Variants in PARP4 observed in about 807,000 individuals in gnomAD.
PARP4 encodes the protein poly(ADP-ribose) polymerase family member 4, also known as protein mono-ADP-ribosyltransferase PARP4.
PARP4 carries 120 observed loss-of-function variants against 187.7 expected under a neutral mutation model. The observed-to-expected ratio is 0.64, with a 90% confidence interval of 0.55 to 0.74. The LOEUF is 0.74. Ranked by LOEUF, PARP4 falls within the 30% of genes least tolerant of loss-of-function variation. The probability of loss-of-function intolerance (pLI) is 0.00; values close to 1 mark genes in which losing one functional copy is unlikely to be tolerated. For missense variants in PARP4, 1,836 were observed against 2,070.5 expected (o/e 0.89, Z 2.20); for synonymous variants, 654 against 740.9 (o/e 0.88, Z 1.90).
At chr13:24,472,853 A>G (rs960885410) in intron 15 of PARP4, among the ~76,000 whole-genome samples, 1 of 148,066 alleles carries the variant, frequency 6.8e-6, no homozygotes, top group Non-Finnish European at 1.5e-5. Flanking sequence ...AGATAATTTA[A>G]TAAGGTGGGA....
chr13:24,469,420 G>A (rs1292567990), intron 16 of PARP4, among the ~76,000 whole-genome samples: 4 of 152,224 alleles, frequency 2.6e-5, no homozygotes, highest in African/African-American at 2.4e-5. Context: ...TTGGGAAATT[G>A]TAGTTTCTAA....
chr13:24,442,628 T>C lies in PARP4; in HGVS notation c.3505A>G (p.Ile1169Val). 6.2e-7 allele frequency: 1 copy of C among 1,600,282 alleles called. No individual in the cohort carries two copies. Among genetic ancestry groups the C allele is most frequent in the Non-Finnish European group, 8.6e-7 (1 of 1,167,408 alleles). Residue 1169 changes from isoleucine to valine, a missense_variant, in exon 29 of 34, where the codon ATA becomes GTA. Physicochemically the swap from Ile to Val is conservative, Grantham distance 29. This residue lies in a region of PARP4 where 47 missense variants were observed against 99.5 expected (regional missense o/e 0.47). Coordinates refer to ENST00000381989, the MANE Select transcript of PARP4 (RefSeq NM_006437.4). ...IIKLSKENSL[I>V]TQFTSFVAVE... ...GCCACAAAGCTTGTAAATTGTGTTA[T>C]GAGAGAGTTTTCTTTACTGAGTTTA...
chr13:24,472,291 G>T (rs1406230175), intron 15 of PARP4, among the ~76,000 whole-genome samples: 2 of 152,162 alleles, frequency 1.3e-5, no homozygotes, highest in Non-Finnish European at 2.9e-5. Flanking sequence ...GGGATTGGTG[G>T]AAATGGAACA....
At chr13:24,500,226 C>G in intron 4 of PARP4, 90 bp downstream of exon 4, 2 of 648,644 alleles carry the variant, frequency 3.1e-6, no homozygotes, top group Non-Finnish European at 5.2e-6. Flanking sequence ...AAGAAAAAGT[C>G]TACAAATAGA....
intron 21 of PARP4, among the ~76,000 whole-genome samples, chr13:24,455,480 AATATAT>A (rs57015283): frequency 0.015 from 1,603 of 108,420 alleles, 54 homozygotes; most frequent in East Asian, 0.045. Context: ...TTATGGAACA[AATATAT>A]ATATATATAT....
intron 19 of PARP4, 23 bp from the exon 20 acceptor site, chr13:24,459,145 T>C: frequency 6.3e-7 from 1 of 1,587,070 alleles, no homozygotes; most frequent in Non-Finnish European, 8.6e-7. Flanking sequence ...AAGAGAAAGT[T>C]GTCTTAGTCT....
intron 21 of PARP4, 148 bp downstream of exon 21, chr13:24,456,193 A>C (rs972999019): frequency 1.6e-6 from 1 of 621,854 alleles, no homozygotes; most frequent in Non-Finnish European, 2.7e-6. Context: ...TGATATCATA[A>C]ATATTTTTAG....
At chr13:24,499,742 C>T (rs1869170184) in intron 4 of PARP4, among the ~76,000 whole-genome samples, 1 of 152,168 alleles carries the variant, frequency 6.6e-6, no homozygotes, top group Non-Finnish European at 1.5e-5. Flanking sequence ...TCACTCCTCT[C>T]CAGACCACAG....
intron 33 of PARP4, among the ~76,000 whole-genome samples, chr13:24,425,505 ATGTG>A (rs1205744553): frequency 6.6e-6 from 1 of 151,356 alleles, no homozygotes; most frequent in African/African-American, 2.4e-5. Context: ...AGCCAATTAC[ATGTG>A]TATGTATATG....
intron 6 of PARP4, among the ~76,000 whole-genome samples, chr13:24,496,897 C>T (rs936931372): frequency 2.6e-5 from 4 of 152,162 alleles, no homozygotes; most frequent in African/African-American, 9.7e-5. Flanking sequence ...GCAGCGCATG[C>T]CTGTAATCCC....
At chr13:24,437,198 C>T (rs1015522956) in intron 30 of PARP4, among the ~76,000 whole-genome samples, 7 of 152,010 alleles carry the variant, frequency 4.6e-5, no homozygotes, top group African/African-American at 1.7e-4. Flanking sequence ...ATCTCTTATC[C>T]TATGCTAGGA....
intron 24 of PARP4, among the ~76,000 whole-genome samples, chr13:24,451,149 A>G (rs893519859): frequency 9.2e-5 from 14 of 152,204 alleles, no homozygotes; most frequent in African/African-American, 3.4e-4. Context: ...TGAGGAAGGC[A>G]TGAATAGGTG....
intron 17 of PARP4, among the ~76,000 whole-genome samples, chr13:24,467,952 T>C (rs1872554423): frequency 1.3e-5 from 2 of 152,186 alleles, no homozygotes; most frequent in South Asian, 4.1e-4. Context: ...TCATTACTTA[T>C]TCCCATCCTG....
chr13:24,473,798 G>A, intron 15 of PARP4, among the ~76,000 whole-genome samples: 1 of 152,008 alleles, frequency 6.6e-6, no homozygotes, highest in East Asian at 1.9e-4. Context: ...ATCAGGGCTG[G>A]GTTGTTATTC....
At chr13:24,435,641 G>A (rs887055516) in intron 30 of PARP4, among the ~76,000 whole-genome samples, 167 bp from the exon 31 acceptor site, 1 of 152,198 alleles carries the variant, frequency 6.6e-6, no homozygotes, top group Non-Finnish European at 1.5e-5. Flanking sequence ...CCAGTGCTGC[G>A]TGCAGCAGCT....
chr13:24,496,279 A>G (rs7984246), intron 6 of PARP4, among the ~76,000 whole-genome samples: 17,304 of 152,182 alleles, frequency 0.11, 1,207 homozygotes, highest in East Asian at 0.3. Context: ...TCAGGGTACA[A>G]GGGTAACAAA....
intron 6 of PARP4, 107 bp from the exon 7 acceptor site, chr13:24,494,829 GT>G: frequency 1.5e-6 from 1 of 664,106 alleles, no homozygotes. Flanking sequence ...TTAGAAATTA[GT>G]TTTTTTCAAA....
rs780161071 is a variant in PARP4, at chr13:24,486,318, G to C, written c.1215-13C>G. On this transcript the variant is annotated splice_polypyrimidine_tract_variant and intron_variant, in intron 10 of 33. Coordinates refer to ENST00000381989, the MANE Select transcript of PARP4 (RefSeq NM_006437.4). ...CACTGGGCTCTTACTGTAAGAATTAGAAGAAAAGCCTTTAGATTACATAAT... is the reference window on the plus strand; with the variant it reads ...CACTGGGCTCTTACTGTAAGAATTACAAGAAAAGCCTTTAGATTACATAAT... The C allele has an allele frequency of 6.5e-7, 1 of 1,541,622 alleles. No individual in the cohort carries two copies. Among genetic ancestry groups the C allele is most frequent in the South Asian group, 1.2e-5 (1 of 86,786 alleles).
At chr13:24,471,968 G>A (rs1221865629) in intron 15 of PARP4, among the ~76,000 whole-genome samples, 7 of 152,194 alleles carry the variant, frequency 4.6e-5, no homozygotes, top group African/African-American at 1.4e-4. Context: ...CACAGCACTA[G>A]AAAGAATAAA....
Sources: allele counts gnomAD v4.1 joint callset (sites outside exome capture counted in the v4.1 genomes callset), GRCh38; gene constraint gnomAD v4.1.1; regional missense constraint gnomAD v4.1.1; transcripts MANE v1.5; gene names NCBI Gene and HGNC (gene_info 2026-07-23, HGNC 2026-07-21).